The following GDA variants were observed in gnomAD, a reference collection of about 807,000 sequenced individuals.
The protein encoded by GDA is cytoplasmic PSD-95 interactor.
GDA carries 18 observed loss-of-function variants against 59.6 expected under a neutral mutation model. The observed-to-expected ratio is 0.30, with a 90% CI of 0.21 to 0.45. The LOEUF (loss-of-function observed/expected upper bound fraction) is 0.45. Ranked by LOEUF, GDA falls within the 20% of genes least tolerant of loss-of-function variation. GDA has a pLI of 1.00. For missense variants in GDA, 427 were observed against 552.3 expected (o/e 0.77, Z 2.27); for synonymous variants, 201 against 201.1 (o/e 1.00, Z 0.00).
intron 1 of GDA, among the ~76,000 whole-genome samples, chr9:72,195,276 A>G (rs950906967): frequency 2.7e-5 from 4 of 149,952 alleles, no homozygotes; most frequent in Non-Finnish European, 4.4e-5. Context: ...GATTGATATT[A>G]TGGCAGAAAA....
chr9:72,195,461 T>C, intron 1 of GDA, 39 bp from the exon 2 acceptor site: 1 of 811,664 alleles, frequency 1.2e-6, no homozygotes, highest in Non-Finnish European at 2.0e-6. Context: ...TGTGACTCAC[T>C]AATATGTGTT....
chr9:72,193,287 G>A (rs1832774459), intron 1 of GDA, among the ~76,000 whole-genome samples: 1 of 152,172 alleles, frequency 6.6e-6, no homozygotes, highest in South Asian at 2.1e-4. Context: ...GGCTTTCCAG[G>A]TATTTGAAAG....
intron 10 of GDA, among the ~76,000 whole-genome samples, chr9:72,232,152 A>AT (rs1342134315): frequency 6.6e-6 from 1 of 152,280 alleles, no homozygotes; most frequent in East Asian, 1.9e-4. Context: ...TGAATTAAAA[A>AT]TTTTTTTAAT....
intron 1 of GDA, among the ~76,000 whole-genome samples, chr9:72,117,416 CTCTT>C (rs747364369): frequency 3.9e-4 from 59 of 152,088 alleles, no homozygotes; most frequent in Non-Finnish European, 8.8e-5. Context: ...AACAATCTCT[CTCTT>C]TCTCCCCATC....
chr9:72,226,652 G>C (rs1837627799), intron 8 of GDA, among the ~76,000 whole-genome samples: 1 of 152,138 alleles, frequency 6.6e-6, no homozygotes, highest in Admixed American at 6.6e-5. Flanking sequence ...TGTGTGAATG[G>C]AGATATGAAT....
At chr9:72,131,346 T>G (rs1425294593) in intron 1 of GDA, among the ~76,000 whole-genome samples, 1 of 152,080 alleles carries the variant, frequency 6.6e-6, no homozygotes, top group Non-Finnish European at 1.5e-5. Context: ...CTGCCAAGAA[T>G]CTTGAGTCTC....
chr9:72,246,537 G>A (rs535913626), intron 12 of GDA, among the ~76,000 whole-genome samples: 1 of 152,306 alleles, frequency 6.6e-6, no homozygotes, highest in South Asian at 2.1e-4. Flanking sequence ...TTTATGCTAG[G>A]TTTGATGAAG....
intron 1 of GDA, chr9:72,194,146 T>G (rs1832878853): frequency 6.6e-6 from 1 of 152,260 alleles, no homozygotes; most frequent in African/African-American, 2.4e-5. Context: ...GTGGCCGAAC[T>G]GGTACCTAAA....
Position 72,169,072 on chromosome 9 carries a change from T to C in GDA, c.123+19390T>C, listed in dbSNP as rs188546849. Among the ~76,000 whole-genome samples the C allele has an allele frequency of 7.2e-5, 11 of 152,384 alleles. No individual in the cohort carries two copies. The East Asian group carries it at 2.1e-3, about 29-fold the overall frequency. ...ACGGCAAACTCCTAAGGGATTCTGG[T>C]AATTTGTTAGCAAACTTTCTAAACC... On this transcript the variant is annotated intron_variant, in intron 1 of 13. Transcript: ENST00000358399.
intron 1 of GDA, among the ~76,000 whole-genome samples, chr9:72,170,298 C>T (rs886378349): frequency 2.6e-5 from 4 of 152,144 alleles, no homozygotes; most frequent in African/African-American, 9.7e-5. Context: ...GCAAAAATGG[C>T]TCTCCCAGTT....
At chr9:72,214,061 G>A in intron 5 of GDA, 70 bp downstream of exon 5, 3 of 852,204 alleles carry the variant, frequency 3.5e-6, no homozygotes, top group Admixed American at 1.9e-5. Context: ...AGTTAGAGAT[G>A]GAAAAAGGAA....
At chr9:72,227,374 ACGT>A (rs1304256471) in intron 8 of GDA, among the ~76,000 whole-genome samples, 1 of 152,180 alleles carries the variant, frequency 6.6e-6, no homozygotes, top group African/African-American at 2.4e-5. Flanking sequence ...GAAAATATAA[ACGT>A]AGGTGAGTTA....
intron 1 of GDA, among the ~76,000 whole-genome samples, chr9:72,190,563 T>C (rs1292529862): frequency 6.6e-6 from 1 of 152,230 alleles, no homozygotes; most frequent in Non-Finnish European, 1.5e-5. Flanking sequence ...CAGTAGGCTA[T>C]TAGTAGTTAA....
downstream of GDA, among the ~76,000 whole-genome samples, chr9:72,259,055 C>T (rs1362771998): frequency 1.3e-5 from 2 of 148,674 alleles, no homozygotes; most frequent in African/African-American, 2.5e-5. Context: ...GACAGAGTCT[C>T]ACTCTGTCAC....
intron 5 of GDA, among the ~76,000 whole-genome samples, chr9:72,214,227 T>A (rs957164860): frequency 6.6e-6 from 1 of 152,228 alleles, no homozygotes; most frequent in Non-Finnish European, 1.5e-5. Flanking sequence ...CCACACTTGA[T>A]CCTCATAGAA....
intron 2 of GDA, among the ~76,000 whole-genome samples, chr9:72,200,429 TCTC>T (rs141911581): frequency 0.075 from 11,398 of 151,600 alleles, 585 homozygotes; most frequent in Middle Eastern, 0.12. Context: ...CTTTTCCTCT[TCTC>T]CTCCTCTCCT....
At position 72,248,486 on chromosome 9, in the gene GDA, G is replaced by A; in HGVS notation, c.*144G>A. On this transcript the variant is annotated 3_prime_UTR_variant, in exon 14 of 14. Transcript: ENST00000358399. ...CTGTGTCTAGTTACAGTATTCACTT[G>A]ACAAATAGTTCGAAGGAAGTTGCAC... 6.9e-7 allele frequency: 1 copy of A among 1,455,522 alleles called. No homozygotes were observed. Among genetic ancestry groups the A allele is most frequent in the South Asian group, 1.5e-5 (1 of 68,672 alleles). The allele number at this position is 1,455,522 out of a possible 1,614,324, so 90.2% of individuals were successfully genotyped here.
chr9:72,193,475 A>G (rs1378180492), intron 1 of GDA, among the ~76,000 whole-genome samples: 1 of 152,206 alleles, frequency 6.6e-6, no homozygotes, highest in Non-Finnish European at 1.5e-5. Flanking sequence ...TATCTCCCAA[A>G]CAGTCTCTCT....
In GDA at chr9:72,250,320, T is replaced by A; in HGVS notation, c.*1978T>A. On this transcript the variant is annotated 3_prime_UTR_variant, in exon 14 of 14. Coordinates refer to ENST00000358399, the MANE Select transcript of GDA (RefSeq NM_004293.5). ...CCTTCTTTAAGGGTGTACATTTTGA[T>A]GTTGAACATCAGTTTTCATGTAGAC... The A allele has an allele frequency of 9.7e-7, 1 of 1,032,536 alleles. No individual in the cohort carries two copies. Among genetic ancestry groups the A allele is most frequent in the South Asian group, 3.6e-5 (1 of 27,400 alleles). The allele number at this position is 1,032,536 out of a possible 1,614,324, so 64.0% of individuals were successfully genotyped here. A position where few individuals can be genotyped will look rare whatever the true frequency, so the allele number is the denominator to read the frequency against.
Sources: gnomAD v4.1 joint callset for allele counts (sites outside exome capture counted in the v4.1 genomes callset) on GRCh38, gnomAD v4.1.1 for gene constraint, MANE v1.5 for transcripts, NCBI Gene and HGNC (gene_info 2026-07-23, HGNC 2026-07-21) for gene names.